Variants in DOCK5 observed in about 807,000 individuals in gnomAD.
The protein encoded by DOCK5 is dedicator of cytokinesis 5, also known as dedicator of cytokinesis protein 5.
A neutral mutation model predicts 251.8 loss-of-function variants in DOCK5; 142 were observed. The ratio of observed to expected loss-of-function variants is 0.56; its 90% confidence interval spans 0.49 to 0.65. The LOEUF is 0.65. Ranked by LOEUF, DOCK5 falls within the 30% of genes least tolerant of loss-of-function variation. The pLI is 0.00. For synonymous variants in DOCK5, 842 were observed against 835.5 expected, an observed-to-expected ratio of 1.01 and a Z score of -0.13; for missense variants, 2,111 against 2,312.3, an observed-to-expected ratio of 0.91 and a Z score of 1.79.
chr8:25,332,669 G>A lies in DOCK5; in HGVS notation c.2068G>A (p.Asp690Asn). 3.1e-6 allele frequency: 5 copies of A among 1,612,348 alleles called. No individual in the cohort carries two copies. The highest frequency in any genetic ancestry group is 4.2e-6 in the Non-Finnish European group (5 of 1,179,330). ...GGAAATGTCAGACAGTGAAACCTATGACTTCCTTGTGTTTGACGCACTGGT... is the reference window on the plus strand; with the variant it reads ...GGAAATGTCAGACAGTGAAACCTATAACTTCCTTGTGTTTGACGCACTGGT... ...MMEMSDSETY[D>N]FLVFDALVFI... Residue 690 changes from aspartate to asparagine, a missense_variant, in exon 20 of 52, where the codon GAC (aspartate) becomes AAC (asparagine). By Grantham distance (23) the Asp-to-Asn change is conservative. Transcript: ENST00000276440.
At chr8:25,261,765 A>G (rs1289105765) in intron 2 of DOCK5, among the ~76,000 whole-genome samples, 3 of 152,174 alleles carry the variant, frequency 2.0e-5, no homozygotes, top group Non-Finnish European at 2.9e-5. Flanking sequence ...TTATCCACAC[A>G]GTTCCCACCC....
intron 2 of DOCK5, among the ~76,000 whole-genome samples, chr8:25,248,021 C>T (rs564351147): frequency 1.3e-5 from 2 of 152,240 alleles, no homozygotes; most frequent in East Asian, 1.9e-4. Context: ...TAAAAGTAAG[C>T]GCATGTCAAG....
intron 48 of DOCK5, 138 bp downstream of exon 48, chr8:25,403,862 T>G: frequency 1.1e-6 from 1 of 921,318 alleles, no homozygotes; most frequent in Non-Finnish European, 1.6e-6. Flanking sequence ...ATGTCATGAT[T>G]AGCAGAATAA....
At chr8:25,315,679 T>C (rs1208088511) in intron 13 of DOCK5, among the ~76,000 whole-genome samples, 1 of 152,262 alleles carries the variant, frequency 6.6e-6, no homozygotes, top group African/African-American at 2.4e-5. Flanking sequence ...GCCCACATTT[T>C]TAATACTTTG....
chr8:25,364,964 A>G (rs1002163172), intron 30 of DOCK5, among the ~76,000 whole-genome samples: 4 of 152,204 alleles, frequency 2.6e-5, no homozygotes, highest in African/African-American at 7.2e-5. Context: ...AAAAATATAA[A>G]TAGTCCTCCT....
intron 27 of DOCK5, among the ~76,000 whole-genome samples, chr8:25,356,491 C>T (rs1800571218): frequency 6.6e-6 from 1 of 151,848 alleles, no homozygotes; most frequent in Admixed American, 6.6e-5. Flanking sequence ...CATGGCAAGA[C>T]CCTGTCTTAA....
chr8:25,349,733 G>A (rs185932545), intron 26 of DOCK5, among the ~76,000 whole-genome samples: 2 of 152,188 alleles, frequency 1.3e-5, no homozygotes, highest in African/African-American at 4.8e-5. Context: ...AAAGGCTTAA[G>A]AGTGATATTA....
intron 40 of DOCK5, among the ~76,000 whole-genome samples, chr8:25,387,267 G>A (rs1801182135): frequency 1.3e-5 from 2 of 151,260 alleles, no homozygotes; most frequent in South Asian, 4.2e-4. Context: ...CTGCAGCCTT[G>A]ACCTCCCAGG....
intron 20 of DOCK5, among the ~76,000 whole-genome samples, chr8:25,333,044 G>C (rs1038183552): frequency 5.3e-5 from 8 of 152,168 alleles, no homozygotes; most frequent in Non-Finnish European, 1.0e-4. Context: ...TTATGCAAGG[G>C]AGACTGAATT....
At chr8:25,389,384 T>C (rs1270883068) in intron 41 of DOCK5, among the ~76,000 whole-genome samples, 152 bp downstream of exon 41, 1 of 152,176 alleles carries the variant, frequency 6.6e-6, no homozygotes, top group African/African-American at 2.4e-5. Context: ...TGTAAAATCT[T>C]TGGGACCCTA....
At chr8:25,210,092 CTA>C (rs1802100974) in intron 1 of DOCK5, among the ~76,000 whole-genome samples, 1 of 32,186 alleles carries the variant, frequency 3.1e-5, no homozygotes. Context: ...ATCTATCTAT[CTA>C]TCTATCTATC....
intron 14 of DOCK5, 71 bp downstream of exon 14, chr8:25,317,202 T>C: frequency 6.4e-7 from 1 of 1,570,122 alleles, no homozygotes; most frequent in East Asian, 2.3e-5. Context: ...ATCTTGGCCG[T>C]ATTTTAATTC....
chr8:25,332,340 A>G lies in DOCK5; in HGVS notation c.1993A>G (p.Ile665Val), dbSNP rs1268284603. 1 of 1,612,506 alleles carries G rather than the reference A, an allele frequency of 6.2e-7. No individual in the cohort carries two copies. Among genetic ancestry groups the G allele is most frequent in the Admixed American group, 1.7e-5 (1 of 59,984 alleles). Residue 665 changes from isoleucine to valine, a missense_variant, in exon 19 of 52, where the codon ATT (isoleucine) becomes GTT (valine). Ile to Val is a conservative substitution (Grantham distance 29, BLOSUM62 3). Around this residue, in one of 3 missense-constraint regions of DOCK5, gnomAD observed 1,717 missense variants for 1,892.4 expected, o/e 0.91. Coordinates refer to ENST00000276440, the MANE Select transcript of DOCK5 (RefSeq NM_024940.8). ...GTTAATGGAAGTGGATGGAGGAGAG[A>G]TTGTTAAGGTATGTTTATATATTCA... ...KKLMEVDGGE[I>V]VKFLQDTLDA...
Position 25,332,392 on chromosome 8 carries a change from T to C in DOCK5, c.2001+44T>C, listed in dbSNP as rs767833868. ...AGTTAGAAATACACATACCTACATA[T>C]ATATACCTATCTAATTATACCTAAT... On this transcript the variant is annotated intron_variant, in intron 19 of 51. Coordinates refer to ENST00000276440, the MANE Select transcript of DOCK5 (RefSeq NM_024940.8). 3.9e-5 allele frequency: 57 copies of C among 1,456,966 alleles called. No individual in the cohort carries two copies. In the Middle Eastern group the frequency reaches 7.4e-3, roughly 188 times the overall value. 90.3% of individuals were successfully genotyped at this position (1,456,966 alleles called of 1,614,324 possible).
chr8:25,389,749 T>C (rs937843559), intron 41 of DOCK5, among the ~76,000 whole-genome samples: 2 of 152,206 alleles, frequency 1.3e-5, no homozygotes, highest in African/African-American at 4.8e-5. Context: ...AGAGTTGTTG[T>C]GTATAGTAGA....
intron 1 of DOCK5, among the ~76,000 whole-genome samples, chr8:25,242,428 C>T (rs956666274): frequency 6.6e-6 from 1 of 152,206 alleles, no homozygotes; most frequent in African/African-American, 2.4e-5. Flanking sequence ...ATGTTACATT[C>T]CTACCAGCAA....
intron 2 of DOCK5, among the ~76,000 whole-genome samples, chr8:25,267,314 G>T (rs748403326): frequency 1.3e-5 from 2 of 152,068 alleles, no homozygotes; most frequent in Non-Finnish European, 2.9e-5. Flanking sequence ...AGTACCCCAC[G>T]CCTCCCTGTA....
intron 43 of DOCK5, among the ~76,000 whole-genome samples, chr8:25,392,298 C>T (rs1460638753): frequency 5.5e-5 from 6 of 108,168 alleles, no homozygotes; most frequent in African/African-American, 9.7e-5. Context: ...AGCGAGACTT[C>T]GTCTCAAAAA....
intron 6 of DOCK5, among the ~76,000 whole-genome samples, chr8:25,293,901 G>A (rs1376097900): frequency 6.6e-6 from 1 of 152,178 alleles, no homozygotes; most frequent in Non-Finnish European, 1.5e-5. Context: ...CTACTTGGGA[G>A]GCTGAGGCAC....
Sources: allele counts gnomAD v4.1 joint callset (sites outside exome capture counted in the v4.1 genomes callset), GRCh38; gene constraint gnomAD v4.1.1; regional missense constraint gnomAD v4.1.1; transcripts MANE v1.5; gene names NCBI Gene and HGNC (gene_info 2026-07-23, HGNC 2026-07-21).